TENM2: variants seen among roughly 807,000 people sequenced by gnomAD.
TENM2 encodes teneurin-2.
TENM2 carries 52 observed loss-of-function variants against 245.2 expected under a neutral mutation model. The observed-to-expected ratio is 0.21, with a 90% CI of 0.17 to 0.27. The LOEUF (loss-of-function observed/expected upper bound fraction) is 0.27, where lower values mean the gene tolerates loss of function less well. Among genes scored for constraint, TENM2 ranks in the 10% least tolerant of loss-of-function variants. The pLI is 1.00. For missense variants in TENM2, 3,046 were observed against 3,666.8 expected (o/e 0.83, Z 4.37); for synonymous variants, 1,363 against 1,438.9 (o/e 0.95, Z 1.19).
At position 167,934,859 on chromosome 5, in the gene TENM2, C is replaced by T. The variant is rs1025149087; in HGVS notation, c.713-17729C>T. 30 of 985,430 alleles carry T rather than the reference C, an allele frequency of 3.0e-5. No individual in the cohort carries two copies. The African/African-American group carries it at 5.2e-4, about 17-fold the overall frequency. 61.0% of individuals were successfully genotyped at this position (985,430 alleles called of 1,614,324 possible). On this transcript the variant is annotated intron_variant, in intron 3 of 28. Transcript: ENST00000518659. ...GCAAAGACCAGTGCAACGGAGGAGG[C>T]TTAGCTTAGTACGCGTTCGGCAGGA...
intron 3 of TENM2, chr5:167,952,293 C>A: frequency 2.0e-6 from 1 of 502,482 alleles, no homozygotes; most frequent in Non-Finnish European, 3.6e-6. Flanking sequence ...ACTTTCATTG[C>A]AGTATTAATA....
intron 2 of TENM2, among the ~76,000 whole-genome samples, chr5:167,752,261 ATTTTTTTTTT>A (rs575290973): frequency 1.6e-5 from 2 of 123,354 alleles, no homozygotes; most frequent in Non-Finnish European, 3.4e-5. Context: ...TGCCCAGCTA[ATTTTTTTTTT>A]TTTTTTTTTT....
the TENM2 span, among the ~76,000 whole-genome samples, chr5:167,032,784 A>G: frequency 1.3e-5 from 2 of 152,110 alleles, no homozygotes; most frequent in African/African-American, 2.4e-5. Context: ...TGCATTTGAT[A>G]TTTTTAGAAA....
chr5:167,375,851 A>AT lies in TENM2; in HGVS notation c.502+386dup, dbSNP rs151267377. 4.4e-3 allele frequency among the ~76,000 whole-genome samples: 663 copies of AT among 151,884 alleles called. 6 individuals are homozygous for AT. Among genetic ancestry groups the AT allele is most frequent in the African/African-American group, 0.015 (638 of 41,406 alleles). ...TTCCCAGTAAATGGAAACCTGGGTT[A>AT]TTTTTTTTCGTGACGATCTCTTAAG... On this transcript the variant is annotated intron_variant, in intron 2 of 28. Transcript: ENST00000518659.
At chr5:168,039,618 T>C (rs534326111) in intron 5 of TENM2, among the ~76,000 whole-genome samples, 1 of 152,248 alleles carries the variant, frequency 6.6e-6, no homozygotes, top group African/African-American at 2.4e-5. Context: ...GTGCGGCTAA[T>C]GGCTCCAGGC....
At chr5:168,026,868 C>T (rs1383840302) in intron 5 of TENM2, among the ~76,000 whole-genome samples, 1 of 152,088 alleles carries the variant, frequency 6.6e-6, no homozygotes, top group Non-Finnish European at 1.5e-5. Flanking sequence ...CCTAGGTTTT[C>T]CCCTTCCAGA....
chr5:167,350,655 T>TATATATATGGGATACATATATGG (rs1400078629), intron 1 of TENM2, among the ~76,000 whole-genome samples: 2 of 144,470 alleles, frequency 1.4e-5, no homozygotes, highest in East Asian at 4.0e-4. Context: ...CGTATATGGA[T>TATATATATGGGATACATATATGG]ATATATATGG....
the TENM2 span, among the ~76,000 whole-genome samples, chr5:167,140,688 T>G: frequency 6.6e-6 from 1 of 152,178 alleles, no homozygotes; most frequent in African/African-American, 2.4e-5. Context: ...ATACACTTGG[T>G]GGCAGAACTG....
intron 2 of TENM2, among the ~76,000 whole-genome samples, chr5:167,869,194 G>A (rs529259239): frequency 1.6e-4 from 24 of 152,204 alleles, no homozygotes; most frequent in Non-Finnish European, 2.9e-4. Flanking sequence ...TAGAAATAAG[G>A]CAGGTATGAA....
intron 2 of TENM2, among the ~76,000 whole-genome samples, chr5:167,803,426 A>G (rs892420423): frequency 1.3e-5 from 2 of 152,120 alleles, no homozygotes; most frequent in Non-Finnish European, 2.9e-5. Context: ...GAGGTCTTCA[A>G]TGGAGACAAA....
intron 2 of TENM2, among the ~76,000 whole-genome samples, chr5:167,627,714 T>TC (rs1389941800): frequency 6.6e-6 from 1 of 152,036 alleles, no homozygotes; most frequent in Non-Finnish European, 1.5e-5. Flanking sequence ...CCCACCGCCA[T>TC]GCCAGGCTAA....
intron 2 of TENM2, among the ~76,000 whole-genome samples, chr5:167,724,290 T>TG (rs933257830): frequency 6.2e-4 from 89 of 143,788 alleles, no homozygotes; most frequent in African/African-American, 2.1e-3. Context: ...AATTACTAGT[T>TG]TTTTTTTTTT....
At chr5:167,401,360 A>G (rs1408965814) in intron 2 of TENM2, among the ~76,000 whole-genome samples, 4 of 152,148 alleles carry the variant, frequency 2.6e-5, no homozygotes, top group Non-Finnish European at 5.9e-5. Context: ...AAGGATGCTT[A>G]TGGACAGGAG....
chr5:167,282,248 C>A (rs924443639), upstream of TENM2, among the ~76,000 whole-genome samples: 1 of 152,106 alleles, frequency 6.6e-6, no homozygotes, highest in African/African-American at 2.4e-5. Context: ...ATACTCAACT[C>A]CCCATAAAAC....
intron 2 of TENM2, among the ~76,000 whole-genome samples, chr5:167,587,274 G>C (rs562999770): frequency 2.6e-5 from 4 of 152,210 alleles, no homozygotes; most frequent in African/African-American, 9.6e-5. Flanking sequence ...AGTTTGGGGA[G>C]TATTTCGATG....
chr5:168,137,143 G>A lies in TENM2; in HGVS notation c.2422+10177G>A, dbSNP rs143689043. On this transcript the variant is annotated intron_variant, in intron 12 of 28. Coordinates refer to ENST00000518659, the Ensembl canonical transcript of TENM2. ...AAGGGTTAACCAATGGTCTAGAGAC[G>A]GAAAGCCCCACATAATTGCTGCCCA... 7.2e-4 allele frequency among the ~76,000 whole-genome samples: 110 copies of A among 152,250 alleles called. 5 individuals carry two copies. The East Asian group carries it at 0.019, about 26-fold the overall frequency.
At chr5:168,036,689 A>ATATATATGTATGTG (rs1787719692) in intron 5 of TENM2, among the ~76,000 whole-genome samples, 1 of 117,778 alleles carries the variant, frequency 8.5e-6, no homozygotes, top group Admixed American at 8.7e-5. Flanking sequence ...ATATATATAT[A>ATATATATGTATGTG]TATATATATA....
At chr5:168,194,318 C>CTT (rs563842525) in intron 14 of TENM2, among the ~76,000 whole-genome samples, 8 of 152,132 alleles carry the variant, frequency 5.3e-5, no homozygotes, top group Non-Finnish European at 1.0e-4. Flanking sequence ...CCTCCATGGA[C>CTT]TTTGAGCACA....
intron 3 of TENM2, among the ~76,000 whole-genome samples, chr5:167,909,288 G>A (rs1776362386): frequency 6.6e-6 from 1 of 152,082 alleles, no homozygotes. Flanking sequence ...TGTGGTCCTT[G>A]ACTTACTTTC....
Sources: allele counts gnomAD v4.1 joint callset (sites outside exome capture counted in the v4.1 genomes callset), GRCh38; gene constraint gnomAD v4.1.1; transcripts MANE v1.5; gene names NCBI Gene and HGNC (gene_info 2026-07-23, HGNC 2026-07-21).